The following PLEKHM2 variants were observed in gnomAD, a reference collection of about 807,000 sequenced individuals.
The protein encoded by PLEKHM2 is pleckstrin homology and RUN domain containing M2.
A neutral mutation model predicts 116.3 loss-of-function variants in PLEKHM2; 77 were observed. The observed-to-expected ratio is 0.66, with a 90% confidence interval of 0.55 to 0.80. PLEKHM2 has a LOEUF of 0.80. PLEKHM2 is among the 30% of genes least tolerant of loss of function. The probability of loss-of-function intolerance (pLI) is 0.00; values close to 1 mark genes in which losing one functional copy is unlikely to be tolerated. For missense variants in PLEKHM2, 1,183 were observed against 1,354.9 expected (o/e 0.87, Z 1.99); for synonymous variants, 562 against 571.0 (o/e 0.98, Z 0.22).
At position 15,721,238 on chromosome 1, in the gene PLEKHM2, A is replaced by G. The variant is rs1417948832; in HGVS notation, c.653-91A>G. 2 of 730,442 alleles carry G rather than the reference A, an allele frequency of 2.7e-6. No individual in the cohort carries two copies. The highest frequency in any genetic ancestry group is 4.8e-6 in the Non-Finnish European group (2 of 414,360). 45.2% of individuals were successfully genotyped at this position (730,442 alleles called of 1,614,324 possible). On this transcript the variant is annotated intron_variant, in intron 6 of 19. Coordinates refer to ENST00000375799, the MANE Select transcript of PLEKHM2 (RefSeq NM_015164.4). This position sits in a 1 kb window ranked among gnomAD's most constrained non-coding sequence, Gnocchi z 5.1. ...AGTTTTCCTCTCCTATTTTCTCCCC[A>G]TGTCTCCCACCCCATTTCCCCTCCC...
chr1:15,685,938 A>G (rs568338968), intron 1 of PLEKHM2, among the ~76,000 whole-genome samples: 4 of 152,218 alleles, frequency 2.6e-5, no homozygotes. Context: ...GTTGAGAAGC[A>G]GTACATCTTT....
At position 15,716,230 on chromosome 1, in the gene PLEKHM2, C is replaced by T. The variant is rs76932674; in HGVS notation, c.61-7C>T. On this transcript the variant is annotated splice_region_variant and splice_polypyrimidine_tract_variant and intron_variant, in intron 1 of 19. Transcript: ENST00000375799. The stretch of plus-strand genomic sequence containing the variant: ...TTCTGATTTGGAGGTGTTTTTTTTT[C>T]TTTCAGTTGCAGAGCTATTTTGCTG... 7,977 of 1,244,082 alleles carry T rather than the reference C, an allele frequency of 6.4e-3. 12 individuals carry two copies. The highest frequency in any genetic ancestry group is 9.2e-3 in the South Asian group (605 of 65,826). The allele number at this position is 1,244,082 out of a possible 1,614,324, so 77.1% of individuals were successfully genotyped here.
chr1:15,694,619 G>A (rs940778186), intron 1 of PLEKHM2, among the ~76,000 whole-genome samples: 3 of 152,060 alleles, frequency 2.0e-5, no homozygotes, highest in African/African-American at 4.8e-5. Context: ...TCCTTTCCGC[G>A]GGAGATTAAA....
At chr1:15,714,600 G>C (rs1375619039) in intron 1 of PLEKHM2, among the ~76,000 whole-genome samples, 1 of 152,190 alleles carries the variant, frequency 6.6e-6, no homozygotes, top group African/African-American at 2.4e-5. Context: ...CCGGGCTGCA[G>C]AGAAGAGAGG....
Position 15,731,951 on chromosome 1 carries a change from T to C in PLEKHM2, c.2528T>C (p.Val843Ala). 1 of 1,611,922 alleles carries C rather than the reference T, an allele frequency of 6.2e-7. No individual in the cohort carries two copies. ...NTTDRPHAFQ[V>A]ILSDRPCLEL... ...ACGGATCGGCCCCACGCCTTCCAGG[T>C]CATTCTCTCCGACCGGCCCTGCCTG... Residue 843 changes from valine to alanine, a missense_variant, in exon 17 of 20, where the codon GTC (valine) becomes GCC (alanine). Physicochemically the swap from Val to Ala is moderately conservative, Grantham distance 64. Coordinates refer to ENST00000375799, the MANE Select transcript of PLEKHM2 (RefSeq NM_015164.4).
chr1:15,702,739 G>A (rs1168188219), intron 1 of PLEKHM2, among the ~76,000 whole-genome samples: 33 of 93,118 alleles, frequency 3.5e-4, no homozygotes, highest in Middle Eastern at 0.01. Context: ...TTTTTTTTTC[G>A]AGGCAGGGTC....
chr1:15,731,396 C>A, intron 16 of PLEKHM2, 139 bp downstream of exon 16: 2 of 701,130 alleles, frequency 2.9e-6, no homozygotes, highest in Non-Finnish European at 5.1e-6. Context: ...TGGCCTGGGG[C>A]TTCCACGCTC....
intron 7 of PLEKHM2, 86 bp from the exon 8 acceptor site, chr1:15,725,231 C>T (rs909769788): frequency 2.4e-5 from 23 of 960,548 alleles, no homozygotes; most frequent in Non-Finnish European, 3.5e-5. Context: ...GCCAGCCTGC[C>T]TCCCTCCTGG....
At chr1:15,707,533 G>A (rs1192525152) in intron 1 of PLEKHM2, among the ~76,000 whole-genome samples, 1 of 152,122 alleles carries the variant, frequency 6.6e-6, no homozygotes, top group Non-Finnish European at 1.5e-5. Context: ...ACTTGGAGGT[G>A]GTCCCCTAGC....
intron 1 of PLEKHM2, among the ~76,000 whole-genome samples, chr1:15,687,227 C>T (rs769766092): frequency 1.3e-5 from 2 of 151,968 alleles, no homozygotes; most frequent in African/African-American, 4.8e-5. Context: ...AGTGCAGTGG[C>T]GTGATCTCAG....
In PLEKHM2 at chr1:15,730,621, AC is replaced by A; in HGVS notation, c.2304del (p.Glu769ArgfsTer51). On this transcript the variant is annotated frameshift_variant, in exon 15 of 20. Coordinates refer to ENST00000375799, the MANE Select transcript of PLEKHM2 (RefSeq NM_015164.4). LOFTEE classifies it high-confidence loss of function. ...SLGPTPCHCS[P>X]PEGTITKEGM... is the part of the protein sequence containing the mutation. ...TGGGCCCCACGCCCTGCCACTGCTC[AC>A]CCCCCGAGGGCACCATCACCAAAGA... 2 of 1,607,026 alleles carry A rather than the reference AC, an allele frequency of 1.2e-6. No individual in the cohort carries two copies. The highest frequency in any genetic ancestry group is 1.7e-6 in the Non-Finnish European group (2 of 1,177,456).
chr1:15,694,801 A>G (rs978906194), intron 1 of PLEKHM2, among the ~76,000 whole-genome samples: 4 of 150,258 alleles, frequency 2.7e-5, no homozygotes, highest in Non-Finnish European at 4.4e-5. Flanking sequence ...TCTGTTGCCC[A>G]GGCTGGAGGG....
rs1004313476 is a variant in PLEKHM2, at chr1:15,729,487, A to C, written c.2075+297A>C. Among the ~76,000 whole-genome samples the C allele has an allele frequency of 2.0e-5, 3 of 152,154 alleles. No individual in the cohort carries two copies. Among genetic ancestry groups the C allele is most frequent in the Non-Finnish European group, 4.4e-5 (3 of 68,008 alleles). On this transcript the variant is annotated intron_variant, in intron 13 of 19. Coordinates refer to ENST00000375799, the MANE Select transcript of PLEKHM2 (RefSeq NM_015164.4). The surrounding 1 kb of genome is among the most constrained non-coding windows in gnomAD (Gnocchi z 4.7). ...TGCTGCTGGGCCAGGCGTGCCCTTG[A>C]ACGCCTGCATCCTTGTCGTGGCTCA...
chr1:15,684,135 G>A (rs77877913), upstream of PLEKHM2, among the ~76,000 whole-genome samples: 7,020 of 150,970 alleles, frequency 0.046, 240 homozygotes, highest in South Asian at 0.071. Flanking sequence ...GGGGTCTGAG[G>A]GTGTCTCTGG....
At chr1:15,731,816 C>T (rs1460512652) in intron 16 of PLEKHM2, 73 bp from the exon 17 acceptor site, 15 of 1,385,316 alleles carry the variant, frequency 1.1e-5, no homozygotes, top group Non-Finnish European at 1.4e-5. Flanking sequence ...ACACCCCGCA[C>T]CAACCCTGGG....
chr1:15,727,902 TC>T lies in PLEKHM2; in HGVS notation c.1760+72del. The T allele has an allele frequency of 7.6e-7, 1 of 1,318,446 alleles. No homozygotes were observed. The highest frequency in any genetic ancestry group is 1.0e-6 in the Non-Finnish European group (1 of 954,568). 81.7% of individuals were successfully genotyped at this position (1,318,446 alleles called of 1,614,324 possible). ...AGCTGGGGACACTGTGCCTCTGACCTCCAGATAAATTAAGCACTAGGAAGAC... is the reference window on the plus strand; with the variant it reads ...AGCTGGGGACACTGTGCCTCTGACCTCAGATAAATTAAGCACTAGGAAGAC... On this transcript the variant is annotated intron_variant, in intron 9 of 19. Transcript: ENST00000375799. This position sits in a 1 kb window ranked among gnomAD's most constrained non-coding sequence, Gnocchi z 7.5.
chr1:15,733,728 G>T (rs1193042369), intron 19 of PLEKHM2, 69 bp from the exon 20 acceptor site: 1 of 1,536,040 alleles, frequency 6.5e-7, no homozygotes, highest in South Asian at 1.2e-5. Context: ...CAGGCCTGGT[G>T]CCCACAAGCC....
rs1222115906 is a variant in PLEKHM2, at chr1:15,727,500, A to G, written c.1428A>G (p.Thr476=). The G allele has an allele frequency of 6.3e-7, 1 of 1,587,178 alleles. No individual in the cohort carries two copies. Among genetic ancestry groups the G allele is most frequent in the African/African-American group, 1.3e-5 (1 of 74,288 alleles). ...RFTVESPSTV[T]SGGGHHDPAG... ...CCGTCGAGAGTCCAAGCACTGTTAC[A>G]TCAGGTGGCGGCCACCATGACCCTG... Residue 476 remains threonine (T), a synonymous_variant, in exon 9 of 20, where the codon ACA becomes ACG. Transcript: ENST00000375799. The surrounding 1 kb of genome is among the most constrained non-coding windows in gnomAD (Gnocchi z 7.5).
Position 15,727,096 on chromosome 1 carries a change from C to A in PLEKHM2, c.1024C>A (p.Gln342Lys). 1 of 1,555,662 alleles carries A rather than the reference C, an allele frequency of 6.4e-7. No individual in the cohort carries two copies. The highest frequency in any genetic ancestry group is 1.2e-5 in the South Asian group (1 of 82,326). The change falls in exon 9 of 20, where the codon CAG becomes AAG. Residue 342 changes from glutamine (Q) to lysine (K), a missense_variant. Physicochemically the swap from Gln to Lys is moderately conservative, Grantham distance 53. This residue lies in a region of PLEKHM2 where 372 missense variants were observed against 357.2 expected (regional missense o/e 1.04). Coordinates refer to ENST00000375799, the MANE Select transcript of PLEKHM2 (RefSeq NM_015164.4). This position sits in a 1 kb window ranked among gnomAD's most constrained non-coding sequence, Gnocchi z 7.5. ...EASPLHPACS[Q>K]KKCAKQGDGD... Reference sequence around the variant, plus strand: ...AAGTCCACTCCACCCCGCCTGCAGCCAGAAGAAATGTGCCAAGCAGGGGGA... The same window carrying A: ...AAGTCCACTCCACCCCGCCTGCAGCAAGAAGAAATGTGCCAAGCAGGGGGA...
Sources: gnomAD v4.1 joint callset for allele counts (sites outside exome capture counted in the v4.1 genomes callset) on GRCh38, gnomAD v4.1.1 for gene constraint, gnomAD v4.1.1 regional missense constraint, Gnocchi (gnomAD v3.1) non-coding constraint, MANE v1.5 for transcripts, NCBI Gene and HGNC (gene_info 2026-07-23, HGNC 2026-07-21) for gene names.